Variants in COL21A1 observed in about 807,000 individuals in gnomAD.
COL21A1 encodes collagen type XXI alpha 1 chain, also known as collagen alpha-1(XXI) chain.
A neutral mutation model predicts 137.9 loss-of-function variants in COL21A1; 149 were observed. The ratio of observed to expected loss-of-function variants is 1.08; its 90% CI spans 0.95 to 1.24. The LOEUF (loss-of-function observed/expected upper bound fraction) is 1.24, where lower values mean the gene tolerates loss of function less well. COL21A1 is among the 50% of genes most tolerant of loss of function. The pLI is 0.00. For synonymous variants in COL21A1, 456 were observed against 391.5 expected, an observed-to-expected ratio of 1.16 and a Z score of -1.95; for missense variants, 1,167 against 1,158.4, an observed-to-expected ratio of 1.01 and a Z score of -0.11.
intron 1 of COL21A1, among the ~76,000 whole-genome samples, chr6:56,243,151 T>C (rs1452376062): frequency 3.9e-5 from 6 of 152,170 alleles, no homozygotes; most frequent in Non-Finnish European, 1.5e-5. Context: ...ATCCCATGAA[T>C]ATAGTGTGTA....
chr6:56,364,115 G>A (rs532927769), intron 1 of COL21A1, among the ~76,000 whole-genome samples: 6 of 152,196 alleles, frequency 3.9e-5, no homozygotes, highest in African/African-American at 1.4e-4. Flanking sequence ...CATCTTTGAC[G>A]GAGTGTGTGC....
At chr6:56,185,446 T>TTTTTTTTTG (rs1491324948) in intron 1 of COL21A1, among the ~76,000 whole-genome samples, 1 of 133,148 alleles carries the variant, frequency 7.5e-6, no homozygotes, top group Admixed American at 7.4e-5. Context: ...TTTTTTTTTT[T>TTTTTTTTTG]GAGACGGAGT....
chr6:56,207,471 T>C (rs6459138), intron 1 of COL21A1, among the ~76,000 whole-genome samples: 140,390 of 152,238 alleles, frequency 0.92, 64,894 homozygotes, highest in African/African-American at 0.98. Flanking sequence ...TAACACCCTC[T>C]GAAGTCTAAA....
intron 10 of COL21A1, among the ~76,000 whole-genome samples, chr6:56,147,781 G>A (rs538575081): frequency 2.0e-4 from 31 of 152,224 alleles, no homozygotes; most frequent in African/African-American, 7.5e-4. Context: ...GAAGGAGAAT[G>A]TTGAAGAAAA....
chr6:56,273,048 C>A (rs770256706), intron 1 of COL21A1, among the ~76,000 whole-genome samples: 3 of 152,120 alleles, frequency 2.0e-5, no homozygotes, highest in African/African-American at 7.2e-5. Context: ...GACCACAGCA[C>A]AATAAAAATA....
intron 1 of COL21A1, among the ~76,000 whole-genome samples, chr6:56,271,130 G>C (rs1763516053): frequency 6.6e-6 from 1 of 152,216 alleles, no homozygotes; most frequent in African/African-American, 2.4e-5. Context: ...GAACTTCCTA[G>C]AGACTGTTGA....
chr6:56,119,810 A>G (rs1384219954), intron 16 of COL21A1, among the ~76,000 whole-genome samples: 1 of 152,164 alleles, frequency 6.6e-6, no homozygotes, highest in Non-Finnish European at 1.5e-5. Flanking sequence ...ACTAGGGAAA[A>G]GACAGTTTCT....
chr6:56,095,233 A>G (rs1368726395), intron 17 of COL21A1, among the ~76,000 whole-genome samples: 1 of 152,168 alleles, frequency 6.6e-6, no homozygotes, highest in Non-Finnish European at 1.5e-5. Context: ...GATCACTTGC[A>G]CTAGCCAAAA....
chr6:56,301,513 T>C (rs1440394423), intron 1 of COL21A1, among the ~76,000 whole-genome samples: 3 of 152,060 alleles, frequency 2.0e-5, no homozygotes, highest in African/African-American at 7.2e-5. Context: ...AGCCACTAAG[T>C]TTGTGATAGT....
At chr6:56,325,638 TATATAATATA>T (rs1251235539) in intron 1 of COL21A1, among the ~76,000 whole-genome samples, 32 of 182 alleles carry the variant, frequency 0.18, 4 homozygotes, top group Admixed American at 0.5. Context: ...TTATATATAA[TATATAATATA>T]ATATATTATA....
chr6:56,370,990 C>T (rs549778521), intron 1 of COL21A1, among the ~76,000 whole-genome samples: 1 of 152,264 alleles, frequency 6.6e-6, no homozygotes, highest in South Asian at 2.1e-4. Context: ...AAGGAAATGC[C>T]TTGAAGAATT....
chr6:56,068,199 T>A (rs948699032), intron 22 of COL21A1, among the ~76,000 whole-genome samples: 7 of 151,488 alleles, frequency 4.6e-5, no homozygotes, highest in Non-Finnish European at 8.9e-5. Context: ...AGCCCAAGGA[T>A]CATACTGTGT....
chr6:56,179,974 T>C lies in COL21A1; in HGVS notation c.244A>G (p.Ser82Gly). The part of the protein sequence containing the change: ...KFIQVGVVQY[S>G]DYPVLEIPLG... ...GGAATCTCCAGCACAGGGTAGTCAC[T>C]ATATTGAACCACTCCAACTTGAATA... The change falls in exon 3 of 30, where the codon AGT becomes GGT. Residue 82 changes from serine (S) to glycine (G), a missense_variant. Transcript: ENST00000244728. 3 of 1,613,960 alleles carry C rather than the reference T, an allele frequency of 1.9e-6. No individual in the cohort carries two copies. The highest frequency in any genetic ancestry group is 2.5e-6 in the Non-Finnish European group (3 of 1,179,864).
At chr6:56,349,035 T>TTTAGAGTG (rs1208688913) in intron 1 of COL21A1, among the ~76,000 whole-genome samples, 2 of 152,182 alleles carry the variant, frequency 1.3e-5, no homozygotes, top group East Asian at 3.9e-4. Context: ...TGACCTTCCT[T>TTTAGAGTG]TTAGAGTGTT....
At chr6:56,352,167 T>G (rs1414940425) in intron 1 of COL21A1, among the ~76,000 whole-genome samples, 1 of 143,412 alleles carries the variant, frequency 7.0e-6, no homozygotes, top group Admixed American at 7.0e-5. Flanking sequence ...AAATCCATGA[T>G]GAACAAAATA....
At chr6:56,304,510 T>G (rs1764386840) in intron 1 of COL21A1, among the ~76,000 whole-genome samples, 2 of 152,238 alleles carry the variant, frequency 1.3e-5, no homozygotes, top group Non-Finnish European at 1.5e-5. Context: ...ATTTTCTAGT[T>G]TATTTGCGTA....
At chr6:56,157,543 T>TAC (rs757756976) in intron 9 of COL21A1, among the ~76,000 whole-genome samples, 48 of 152,156 alleles carry the variant, frequency 3.2e-4, no homozygotes, top group Admixed American at 1.3e-4. Flanking sequence ...ACTCCTGACT[T>TAC]CAAGTGATCT....
chr6:56,249,059 T>G (rs1782782382), upstream of COL21A1, among the ~76,000 whole-genome samples: 1 of 152,198 alleles, frequency 6.6e-6, no homozygotes, highest in Non-Finnish European at 1.5e-5. Context: ...AGTTTTAAAA[T>G]GCACAAAGTA....
chr6:56,114,526 A>G (rs985626030), intron 16 of COL21A1, among the ~76,000 whole-genome samples: 4 of 152,192 alleles, frequency 2.6e-5, no homozygotes, highest in African/African-American at 4.8e-5. Flanking sequence ...ATGAACAGAC[A>G]CTTCTCAAAA....
Sources: gnomAD v4.1 joint callset for allele counts (sites outside exome capture counted in the v4.1 genomes callset) on GRCh38, gnomAD v4.1.1 for gene constraint, MANE v1.5 for transcripts, NCBI Gene and HGNC (gene_info 2026-07-23, HGNC 2026-07-21) for gene names.